The following STXBP4 variants were observed in gnomAD, a reference collection of about 807,000 sequenced individuals.
STXBP4 encodes the protein syntaxin-binding protein 4.
Under a neutral mutation model 76.1 loss-of-function variants are expected in STXBP4, and 55 were observed. The ratio of observed to expected loss-of-function variants is 0.72; its 90% confidence interval spans 0.58 to 0.91. The LOEUF (loss-of-function observed/expected upper bound fraction) is 0.91, where lower values mean the gene tolerates loss of function less well. Ranked by LOEUF, STXBP4 falls within the 40% of genes least tolerant of loss-of-function variation. The pLI, the probability that STXBP4 is intolerant of heterozygous loss-of-function variation, is 0.00. For synonymous variants in STXBP4, 201 were observed against 220.2 expected, an observed-to-expected ratio of 0.91 and a Z score of 0.77; for missense variants, 618 against 636.9, an observed-to-expected ratio of 0.97 and a Z score of 0.32.
intron 3 of STXBP4, among the ~76,000 whole-genome samples, chr17:54,988,661 G>T (rs1317573635): frequency 6.6e-6 from 1 of 152,104 alleles, no homozygotes; most frequent in African/African-American, 2.4e-5. Flanking sequence ...TGTAATCCCA[G>T]CTATTCAGGA....
At chr17:55,037,540 C>T (rs1393352765) in intron 10 of STXBP4, among the ~76,000 whole-genome samples, 4 of 151,962 alleles carry the variant, frequency 2.6e-5, no homozygotes, top group Non-Finnish European at 2.9e-5. Context: ...AAAAGCAAAG[C>T]GCTAATGGCA....
chr17:55,154,427 A>G (rs244289), intron 17 of STXBP4, among the ~76,000 whole-genome samples: 99,550 of 152,082 alleles, frequency 0.65, 33,804 homozygotes, highest in African/African-American at 0.84. Context: ...AGGTATATGA[A>G]AAAGTACAAA....
intron 16 of STXBP4, among the ~76,000 whole-genome samples, chr17:55,111,362 A>T (rs1461337617): frequency 3.3e-5 from 5 of 152,138 alleles, no homozygotes; most frequent in Non-Finnish European, 7.3e-5. Flanking sequence ...GTGTTTTTGT[A>T]GTTCTTTAAA....
the STXBP4 span, among the ~76,000 whole-genome samples, chr17:55,178,695 A>T: frequency 6.6e-6 from 1 of 152,218 alleles, no homozygotes; most frequent in Non-Finnish European, 1.5e-5. Context: ...AGTAGACTCC[A>T]AAGAGCTAGT....
rs569506767 is a variant in STXBP4, at chr17:55,014,004, G to A, written c.666+6407G>A. ...TACAGCTGGGTATAGAGGGACAACGGCCTCATTGATAATCCTGAGATCTTG... is the reference window on the plus strand; with the variant it reads ...TACAGCTGGGTATAGAGGGACAACGACCTCATTGATAATCCTGAGATCTTG... On this transcript the variant is annotated intron_variant, in intron 8 of 17. Transcript: ENST00000376352. Among the ~76,000 whole-genome samples the A allele has an allele frequency of 2.0e-5, 3 of 152,286 alleles. No homozygotes were observed. In the South Asian group the frequency reaches 6.2e-4, roughly 32 times the overall value.
intron 4 of STXBP4, among the ~76,000 whole-genome samples, chr17:54,998,297 T>C (rs2077848729): frequency 1.3e-5 from 2 of 152,212 alleles, no homozygotes; most frequent in African/African-American, 4.8e-5. Context: ...ATCTCCCTTT[T>C]TAACCATATA....
chr17:54,978,996 G>GT (rs1049455501), intron 1 of STXBP4, among the ~76,000 whole-genome samples: 5 of 152,006 alleles, frequency 3.3e-5, no homozygotes, highest in African/African-American at 1.2e-4. Flanking sequence ...TATTTTTGAG[G>GT]TTTCTGATAT....
chr17:55,189,661 A>G, the STXBP4 span, among the ~76,000 whole-genome samples: 1 of 152,222 alleles, frequency 6.6e-6, no homozygotes, highest in Admixed American at 6.5e-5. Context: ...AACCTATACA[A>G]GTAATTAAAT....
intron 3 of STXBP4, among the ~76,000 whole-genome samples, chr17:54,988,335 G>C (rs910541543): frequency 6.6e-6 from 1 of 152,168 alleles, no homozygotes; most frequent in South Asian, 2.1e-4. Context: ...GAGATTGTTT[G>C]TGCCCCCAGT....
intron 10 of STXBP4, among the ~76,000 whole-genome samples, chr17:55,036,164 C>T (rs913084902): frequency 6.6e-6 from 1 of 151,942 alleles, no homozygotes; most frequent in African/African-American, 2.4e-5. Flanking sequence ...CAAACTGCCC[C>T]CCAGACCTCC....
chr17:55,076,145 A>G (rs2079179078), intron 13 of STXBP4, among the ~76,000 whole-genome samples: 1 of 152,140 alleles, frequency 6.6e-6, no homozygotes, highest in South Asian at 2.1e-4. Flanking sequence ...TCTATGGTAA[A>G]ATGGACACAA....
At chr17:55,018,282 C>T (rs1165022252) in intron 8 of STXBP4, among the ~76,000 whole-genome samples, 1 of 152,164 alleles carries the variant, frequency 6.6e-6, no homozygotes, top group Non-Finnish European at 1.5e-5. Flanking sequence ...CGGCAATGGG[C>T]AACTTGCTGG....
chr17:55,029,607 G>A (rs1452522214), intron 8 of STXBP4, among the ~76,000 whole-genome samples: 2 of 150,394 alleles, frequency 1.3e-5, no homozygotes, highest in Non-Finnish European at 3.0e-5. Context: ...ACTACTATAC[G>A]AGATAAGCAG....
intron 3 of STXBP4, among the ~76,000 whole-genome samples, chr17:54,988,051 A>C (rs929857296): frequency 6.6e-6 from 1 of 152,184 alleles, no homozygotes; most frequent in African/African-American, 2.4e-5. Context: ...CATGTATGTA[A>C]ATTTTATGCT....
chr17:55,084,905 C>T (rs886331300), intron 16 of STXBP4, among the ~76,000 whole-genome samples: 2 of 152,086 alleles, frequency 1.3e-5, no homozygotes, highest in Non-Finnish European at 2.9e-5. Flanking sequence ...AAGACACATG[C>T]ACATGTATGT....
At chr17:55,084,898 A>G (rs1161952190) in intron 16 of STXBP4, among the ~76,000 whole-genome samples, 1 of 152,168 alleles carries the variant, frequency 6.6e-6, no homozygotes, top group Non-Finnish European at 1.5e-5. Flanking sequence ...TGCTATAAAG[A>G]CACATGCACA....
At chr17:55,084,642 T>G (rs1400026978) in intron 16 of STXBP4, among the ~76,000 whole-genome samples, 1 of 151,832 alleles carries the variant, frequency 6.6e-6, no homozygotes, top group Non-Finnish European at 1.5e-5. Flanking sequence ...TTAATCCATC[T>G]TGAATTGATT....
intron 17 of STXBP4, 69 bp downstream of exon 17, chr17:55,141,436 A>G: frequency 1.5e-6 from 2 of 1,358,186 alleles, no homozygotes; most frequent in Non-Finnish European, 2.0e-6. Flanking sequence ...AAGTTGCAGA[A>G]TAATCAGCAA....
intron 12 of STXBP4, among the ~76,000 whole-genome samples, chr17:55,049,975 AAG>A (rs2078838646): frequency 6.6e-6 from 1 of 152,100 alleles, no homozygotes; most frequent in African/African-American, 2.4e-5. Context: ...TAAAAAATGA[AAG>A]AAATTTTCCA....
Sources: allele counts gnomAD v4.1 joint callset (sites outside exome capture counted in the v4.1 genomes callset), GRCh38; gene constraint gnomAD v4.1.1; transcripts MANE v1.5; gene names NCBI Gene and HGNC (gene_info 2026-07-23, HGNC 2026-07-21).